The following NRCAM variants were observed in gnomAD, a reference collection of about 807,000 sequenced individuals.
NRCAM encodes the protein NgCAM-related cell adhesion molecule.
In NRCAM, 83 loss-of-function variants were observed where a neutral mutation model predicts 156.5. The ratio of observed to expected loss-of-function variants is 0.53; its 90% CI spans 0.44 to 0.64. The LOEUF (loss-of-function observed/expected upper bound fraction) is 0.64. Among genes scored for constraint, NRCAM ranks in the 30% least tolerant of loss-of-function variants. The pLI, the probability that NRCAM is intolerant of heterozygous loss-of-function variation, is 0.00. For missense variants in NRCAM, 1,417 were observed against 1,597.3 expected, an observed-to-expected ratio of 0.89 and a Z score of 1.92; for synonymous variants, 538 against 563.9, an observed-to-expected ratio of 0.95 and a Z score of 0.65.
intron 3 of NRCAM, among the ~76,000 whole-genome samples, chr7:108,300,893 T>C (rs2098596750): frequency 6.6e-6 from 1 of 152,172 alleles, no homozygotes; most frequent in African/African-American, 2.4e-5. Context: ...TTTAAAGCTT[T>C]TCTTAAAAAA....
intron 14 of NRCAM, among the ~76,000 whole-genome samples, chr7:108,196,877 C>T (rs392704): frequency 0.65 from 99,209 of 151,954 alleles, 33,747 homozygotes; most frequent in East Asian, 0.87. Flanking sequence ...ATCAGTATGT[C>T]GAGATATTTG....
intron 11 of NRCAM, among the ~76,000 whole-genome samples, chr7:108,217,991 C>T (rs528212277): frequency 1.4e-3 from 213 of 152,304 alleles, no homozygotes; most frequent in Non-Finnish European, 2.3e-3. Context: ...GCAGCTAGCT[C>T]GGTGTCTGCC....
intron 20 of NRCAM, among the ~76,000 whole-genome samples, chr7:108,186,135 A>C (rs1296186755): frequency 6.6e-6 from 1 of 152,200 alleles, no homozygotes; most frequent in Non-Finnish European, 1.5e-5. Context: ...ATGCACTATA[A>C]ACACAAAGAT....
chr7:108,335,965 T>C (rs1167605774), intron 2 of NRCAM, among the ~76,000 whole-genome samples: 2 of 152,168 alleles, frequency 1.3e-5, no homozygotes, highest in Non-Finnish European at 2.9e-5. Context: ...ATCAAGACAC[T>C]ACTTCTGAAA....
At chr7:108,166,293 G>A (rs2054151953) in intron 30 of NRCAM, among the ~76,000 whole-genome samples, 1 of 149,630 alleles carries the variant, frequency 6.7e-6, no homozygotes, top group Admixed American at 6.7e-5. Context: ...TGTCACCCAG[G>A]CTAGAGAGCA....
intron 11 of NRCAM, among the ~76,000 whole-genome samples, chr7:108,221,379 C>T (rs993468640): frequency 3.9e-5 from 6 of 152,146 alleles, no homozygotes; most frequent in African/African-American, 1.4e-4. Context: ...AGTCATTATA[C>T]AGAAAAGATA....
At chr7:108,432,929 GGAGA>G (rs1563786332) in intron 1 of NRCAM, among the ~76,000 whole-genome samples, 2 of 94,198 alleles carry the variant, frequency 2.1e-5, no homozygotes, top group Non-Finnish European at 4.9e-5. Context: ...AAGAGAAAGA[GGAGA>G]AAGAGAAAGA....
chr7:108,403,657 G>A (rs192986941), intron 1 of NRCAM, among the ~76,000 whole-genome samples: 172 of 152,268 alleles, frequency 1.1e-3, no homozygotes, highest in African/African-American at 3.9e-3. Flanking sequence ...GAAGAATGAG[G>A]TTTCGGCATC....
At chr7:108,272,229 T>C (rs17155345) in intron 3 of NRCAM, among the ~76,000 whole-genome samples, 6,207 of 152,320 alleles carry the variant, frequency 0.041, 174 homozygotes, top group South Asian at 0.11. Flanking sequence ...TGGTCTTTTA[T>C]AAAGTCTAGT....
At chr7:108,341,261 A>T (rs1227329294) in intron 2 of NRCAM, among the ~76,000 whole-genome samples, 2 of 152,172 alleles carry the variant, frequency 1.3e-5, no homozygotes, top group African/African-American at 2.4e-5. Context: ...CGCCAGCCCA[A>T]CCCATCACCC....
At chr7:108,190,194 A>G (rs2070285620) in intron 19 of NRCAM, among the ~76,000 whole-genome samples, 1 of 152,272 alleles carries the variant, frequency 6.6e-6, no homozygotes, top group Non-Finnish European at 1.5e-5. Flanking sequence ...AAAATGCTGA[A>G]TAACAGATTT....
At chr7:108,445,833 A>G (rs1843541176) in intron 1 of NRCAM, among the ~76,000 whole-genome samples, 1 of 152,162 alleles carries the variant, frequency 6.6e-6, no homozygotes. Context: ...ATAACCCACT[A>G]ACTAGTTACG....
In NRCAM at chr7:108,194,402, A is replaced by C. The variant is rs1326281216; in HGVS notation, c.1490T>G (p.Leu497Arg). 6.2e-7 allele frequency: 1 copy of C among 1,609,542 alleles called. No individual in the cohort carries two copies. The change falls in exon 16 of 33, where the codon CTT (leucine) becomes CGT (arginine). Residue 497 changes from leucine to arginine, a missense_variant. Coordinates refer to ENST00000379028, the MANE Select transcript of NRCAM (RefSeq NM_001037132.4). Reference protein sequence around the residue: ...EWFKGAKGSALHEDIYVLHEN... With the variant: ...EWFKGAKGSARHEDIYVLHEN... Reference sequence around the variant, plus strand: ...ATGTAAAACATAAATATCTTCATGAAGAGCACTTCCTTTAGCTCCTTTAAA... The same window carrying C: ...ATGTAAAACATAAATATCTTCATGACGAGCACTTCCTTTAGCTCCTTTAAA...
At chr7:108,432,224 A>T (rs1230239242) in intron 1 of NRCAM, among the ~76,000 whole-genome samples, 1 of 152,238 alleles carries the variant, frequency 6.6e-6, no homozygotes, top group East Asian at 1.9e-4. Flanking sequence ...AAAAGAGGAT[A>T]AGGAATAAAG....
rs556155370 is a variant in NRCAM at position 108,345,232 on chromosome 7, T to G, written c.-173-32501A>C. ...GGTTCATCTTTGAACCTTAGTGAAC[T>G]GTGTAATGCTGGCAAGTTACTCAAC... On this transcript the variant is annotated intron_variant, in intron 2 of 32. Transcript: ENST00000379028. 3.3e-5 allele frequency among the ~76,000 whole-genome samples: 5 copies of G among 152,328 alleles called. No individual in the cohort carries two copies. The South Asian group carries it at 1.0e-3, about 32-fold the overall frequency.
chr7:108,411,171 G>A (rs1315429068), intron 1 of NRCAM, among the ~76,000 whole-genome samples: 1 of 151,990 alleles, frequency 6.6e-6, no homozygotes, highest in Admixed American at 6.6e-5. Context: ...TCTGTGAAAT[G>A]TTATTAATAT....
chr7:108,236,065 G>T (rs2094951705), intron 5 of NRCAM, among the ~76,000 whole-genome samples: 1 of 151,978 alleles, frequency 6.6e-6, no homozygotes, highest in African/African-American at 2.4e-5. Flanking sequence ...CCATACCTCT[G>T]CTTCCTTTGT....
intron 3 of NRCAM, among the ~76,000 whole-genome samples, chr7:108,289,433 T>C (rs188091199): frequency 6.6e-6 from 1 of 152,334 alleles, no homozygotes; most frequent in East Asian, 1.9e-4. Flanking sequence ...AAGAAAACTA[T>C]ATTGTTTTTA....
At chr7:108,320,962 T>C (rs1470556315) in intron 2 of NRCAM, among the ~76,000 whole-genome samples, 7 of 152,232 alleles carry the variant, frequency 4.6e-5, no homozygotes, top group Non-Finnish European at 8.8e-5. Flanking sequence ...CATTTCATAT[T>C]CTGGATAAAA....
Sources: allele counts gnomAD v4.1 joint callset (sites outside exome capture counted in the v4.1 genomes callset), GRCh38; gene constraint gnomAD v4.1.1; transcripts MANE v1.5; gene names NCBI Gene and HGNC (gene_info 2026-07-23, HGNC 2026-07-21).